Variants in C13orf46 observed in about 807,000 individuals in gnomAD.
The protein encoded by C13orf46 is chromosome 13 open reading frame 46.
At chr13:113,950,639 G>C (rs2052485010), downstream of C13orf46, among the ~76,000 whole-genome samples, 3 of 152,222 alleles carry the variant, frequency 2.0e-5, no homozygotes, top group Admixed American at 2.0e-4. Context: ...AACACGGAGA[G>C]TTGACCTCCC....
chr13:113,957,862 A>G (rs1413349972), intron 6 of C13orf46, among the ~76,000 whole-genome samples: 4 of 129,064 alleles, frequency 3.1e-5, no homozygotes, highest in African/African-American at 9.1e-5. Flanking sequence ...CATCAAGCGC[A>G]CTGGGGGTCT....
At chr13:113,930,301 A>G in the C13orf46 span, among the ~76,000 whole-genome samples, 1 of 152,204 alleles carries the variant, frequency 6.6e-6, no homozygotes, top group Non-Finnish European at 1.5e-5. Flanking sequence ...GGCACAGTCC[A>G]TCGGGTGAGG....
At chr13:113,937,680 T>C in the C13orf46 span, among the ~76,000 whole-genome samples, 2 of 152,126 alleles carry the variant, frequency 1.3e-5, no homozygotes, top group Admixed American at 6.5e-5. Flanking sequence ...GACATCAACA[T>C]ACATCGGATG....
intron 1 of C13orf46, among the ~76,000 whole-genome samples, chr13:113,972,841 G>A (rs550917793): frequency 2.7e-4 from 41 of 152,242 alleles, no homozygotes; most frequent in East Asian, 3.9e-4. Context: ...GGCTGGCTTC[G>A]GAGGCCCATG....
the C13orf46 span, among the ~76,000 whole-genome samples, chr13:113,933,913 A>G: frequency 6.6e-6 from 1 of 152,112 alleles, no homozygotes; most frequent in Admixed American, 6.5e-5. Flanking sequence ...TCATTTGGAC[A>G]TCCTAGGTTT....
chr13:113,954,129 G>C lies in C13orf46; in HGVS notation c.*2644C>G, dbSNP rs1258818742. On this transcript the variant is annotated 3_prime_UTR_variant, in exon 7 of 7. Transcript: ENST00000636427. Reference sequence around the variant, plus strand: ...CCCCTCCCTCCCTGGCTGAGTGATGGGCAGAGCTCACCCTCTGGGAGCCTC... The same window carrying C: ...CCCCTCCCTCCCTGGCTGAGTGATGCGCAGAGCTCACCCTCTGGGAGCCTC... 1.3e-5 allele frequency: 2 copies of C among 152,224 alleles called. No individual in the cohort carries two copies. Among genetic ancestry groups the C allele is most frequent in the African/African-American group, 4.8e-5 (2 of 41,430 alleles). The allele number at this position is 152,224 out of a possible 1,614,324, so 9.4% of individuals were successfully genotyped here.
the C13orf46 span, among the ~76,000 whole-genome samples, chr13:113,933,683 G>A: frequency 6.6e-6 from 1 of 152,026 alleles, no homozygotes; most frequent in South Asian, 2.1e-4. Context: ...TCAGTATATA[G>A]GACTTGTAAA....
chr13:113,954,236 C>G lies in C13orf46; in HGVS notation c.*2537G>C, dbSNP rs2138968384. The G allele has an allele frequency of 6.6e-6, 1 of 152,410 alleles. No homozygotes were observed. The highest frequency in any genetic ancestry group is 1.5e-5 in the Non-Finnish European group (1 of 68,066). The allele number at this position is 152,410 out of a possible 1,614,324, so 9.4% of individuals were successfully genotyped here. A position where few individuals can be genotyped will look rare whatever the true frequency, so the allele number is the denominator to read the frequency against. ...GTGCACACAGCATCTCCGCCTGTGGCCTCTGACTGCCTTAGAGACACCCGG... is the reference window on the plus strand; with the variant it reads ...GTGCACACAGCATCTCCGCCTGTGGGCTCTGACTGCCTTAGAGACACCCGG... On this transcript the variant is annotated 3_prime_UTR_variant, in exon 7 of 7. Coordinates refer to ENST00000636427, the MANE Select transcript of C13orf46 (RefSeq NM_001365455.2).
chr13:113,934,163 C>T, the C13orf46 span, among the ~76,000 whole-genome samples: 2 of 152,166 alleles, frequency 1.3e-5, no homozygotes, highest in Admixed American at 6.5e-5. Flanking sequence ...GAGTTTTCTC[C>T]CAGAGTCTGT....
chr13:113,946,468 T>C, the C13orf46 span, among the ~76,000 whole-genome samples: 3 of 152,200 alleles, frequency 2.0e-5, no homozygotes, highest in Admixed American at 6.5e-5. Context: ...TGACACACAA[T>C]GCTGGCGCAG....
the C13orf46 span, among the ~76,000 whole-genome samples, chr13:113,946,606 C>T: frequency 6.6e-6 from 1 of 152,178 alleles, no homozygotes; most frequent in South Asian, 2.1e-4. Context: ...CAGGGAGGAC[C>T]CCAGGGTGAA....
chr13:113,931,533 CG>C, the C13orf46 span, among the ~76,000 whole-genome samples: 5 of 152,260 alleles, frequency 3.3e-5, no homozygotes, highest in Admixed American at 1.3e-4. Flanking sequence ...GCCCCTCAGA[CG>C]GCACCTGCGG....
At chr13:113,973,446 C>T (rs1467663609) in intron 1 of C13orf46, among the ~76,000 whole-genome samples, 2 of 152,128 alleles carry the variant, frequency 1.3e-5, no homozygotes, top group East Asian at 1.9e-4. Flanking sequence ...AGTCCCCTCA[C>T]GTGTAAATTG....
chr13:113,963,605 C>T (rs1053253608), intron 6 of C13orf46, among the ~76,000 whole-genome samples: 4 of 148,670 alleles, frequency 2.7e-5, no homozygotes, highest in South Asian at 2.2e-4. Flanking sequence ...TGTCCTCAGC[C>T]GCAGTCCTTG....
chr13:113,932,767 T>A, the C13orf46 span, among the ~76,000 whole-genome samples: 1 of 152,180 alleles, frequency 6.6e-6, no homozygotes, highest in Non-Finnish European at 1.5e-5. Context: ...TGTGTTCTAT[T>A]TAAAAAACCT....
At chr13:113,952,179 G>C (rs1337661513), downstream of C13orf46, among the ~76,000 whole-genome samples, 1 of 152,208 alleles carries the variant, frequency 6.6e-6, no homozygotes, top group African/African-American at 2.4e-5. Flanking sequence ...CCAGTGGCAC[G>C]GACACAGGTG....
chr13:113,958,594 C>T (rs1006867611), intron 6 of C13orf46, among the ~76,000 whole-genome samples: 87 of 152,332 alleles, frequency 5.7e-4, no homozygotes, highest in African/African-American at 1.9e-3. Flanking sequence ...GCCCAGCCCC[C>T]GCCGCCTGTC....
chr13:113,933,073 C>T, the C13orf46 span, among the ~76,000 whole-genome samples: 1 of 152,250 alleles, frequency 6.6e-6, no homozygotes, highest in East Asian at 1.9e-4. Flanking sequence ...CCATGTTGCC[C>T]AGGCTGGTCT....
intron 6 of C13orf46, among the ~76,000 whole-genome samples, chr13:113,957,714 A>G (rs1230922758): frequency 7.4e-5 from 8 of 108,018 alleles, no homozygotes; most frequent in South Asian, 3.6e-4. Flanking sequence ...TTCATCAAGC[A>G]CACTGGGGGT....
Sources: allele counts gnomAD v4.1 joint callset (sites outside exome capture counted in the v4.1 genomes callset), GRCh38; gene constraint gnomAD v4.1.1; transcripts MANE v1.5; gene names NCBI Gene and HGNC (gene_info 2026-07-23, HGNC 2026-07-21).